KAZN: variants seen among roughly 807,000 people sequenced by gnomAD.
The protein encoded by KAZN is kazrin, periplakin interacting protein, also known as kazrin.
KAZN carries 40 observed loss-of-function variants against 87.4 expected under a neutral mutation model. The observed-to-expected ratio is 0.46, with a 90% CI of 0.36 to 0.60. KAZN has a LOEUF of 0.60. Ranked by LOEUF, KAZN falls within the 20% of genes least tolerant of loss-of-function variation. The pLI is 0.00. For synonymous variants in KAZN, 466 were observed against 458.3 expected, an observed-to-expected ratio of 1.02 and a Z score of -0.22; for missense variants, 898 against 1,073.9, an observed-to-expected ratio of 0.84 and a Z score of 2.29.
exon 2 of KAZN, chr1:14,180,574 C>T (rs974607026): frequency 3.1e-5 from 48 of 1,549,478 alleles, no homozygotes; most frequent in Non-Finnish European, 3.8e-5. Flanking sequence ...TGATGAGGCA[C>T]CTCTTAATGG....
At chr1:14,078,664 C>A (rs1643554527) in intron 1 of KAZN, among the ~76,000 whole-genome samples, 1 of 151,786 alleles carries the variant, frequency 6.6e-6, no homozygotes, top group Non-Finnish European at 1.5e-5. Context: ...ATGGAAGGGG[C>A]AAGGCAGCTC....
chr1:14,598,890 G>T lies in KAZN; in HGVS notation c.-108G>T, dbSNP rs1225312043. 1 of 1,486,610 alleles carries T rather than the reference G, an allele frequency of 6.7e-7. No homozygotes were observed. Among genetic ancestry groups the T allele is most frequent in the African/African-American group, 1.5e-5 (1 of 67,798 alleles). 92.1% of individuals were successfully genotyped at this position (1,486,610 alleles called of 1,614,324 possible). A position where few individuals can be genotyped will look rare whatever the true frequency, so the allele number is the denominator to read the frequency against. On this transcript the variant is annotated 5_prime_UTR_variant, in exon 1 of 15. Coordinates refer to ENST00000376030, the MANE Select transcript of KAZN (RefSeq NM_201628.3). The surrounding 1 kb of genome is among the most constrained non-coding windows in gnomAD (Gnocchi z 4.2). ...TGGGGGTCGGGGCGCGGGCGAAGCCGGGCCGCGGAGGACACAACAGGTAGA... is the reference window on the plus strand; with the variant it reads ...TGGGGGTCGGGGCGCGGGCGAAGCCTGGCCGCGGAGGACACAACAGGTAGA...
chr1:14,976,925 G>A (rs1223974821), intron 2 of KAZN, among the ~76,000 whole-genome samples: 2 of 152,116 alleles, frequency 1.3e-5, no homozygotes, highest in South Asian at 2.1e-4. Context: ...TGTGGTGGTG[G>A]GCGCCTGTAA....
chr1:14,022,984 A>G (rs958583721), intron 1 of KAZN, among the ~76,000 whole-genome samples: 2 of 152,156 alleles, frequency 1.3e-5, no homozygotes, highest in Admixed American at 6.5e-5. Flanking sequence ...CCCACCTGGT[A>G]TGATTCTTAA....
intron 1 of KAZN, among the ~76,000 whole-genome samples, chr1:14,684,172 T>C (rs373995472): frequency 2.8e-4 from 42 of 152,292 alleles, no homozygotes; most frequent in African/African-American, 1.0e-3. Flanking sequence ...CTTGCTTTTT[T>C]GTTGAGCCTT....
At chr1:14,571,004 G>T (rs996237486) in intron 2 of KAZN, among the ~76,000 whole-genome samples, 14 of 151,962 alleles carry the variant, frequency 9.2e-5, no homozygotes, top group African/African-American at 2.9e-4. Context: ...TTAAATTTTT[G>T]ACTTCTTGAC....
At chr1:15,044,260 G>T in intron 4 of KAZN, 101 bp downstream of exon 4, 2 of 1,070,146 alleles carry the variant, frequency 1.9e-6, no homozygotes, top group South Asian at 1.9e-5. Context: ...CCTAGGGTGG[G>T]GTGGGTGGGG....
At chr1:15,042,098 C>A (rs556693561) in intron 3 of KAZN, among the ~76,000 whole-genome samples, 9 of 152,326 alleles carry the variant, frequency 5.9e-5, no homozygotes, top group African/African-American at 2.2e-4. Flanking sequence ...CAGGCCTTCC[C>A]ACCCGGCCTA....
intron 2 of KAZN, among the ~76,000 whole-genome samples, chr1:14,263,904 G>A (rs971453321): frequency 7.2e-5 from 11 of 152,238 alleles, no homozygotes; most frequent in Non-Finnish European, 7.3e-5. Flanking sequence ...AGTCAGCCAG[G>A]ATGCCCTGCC....
chr1:14,359,257 T>C (rs941015412), intron 2 of KAZN, among the ~76,000 whole-genome samples: 7 of 150,856 alleles, frequency 4.6e-5, no homozygotes, highest in Non-Finnish European at 1.0e-4. Context: ...TTTTTTTTTC[T>C]TTTTTTTTCC....
intron 1 of KAZN, among the ~76,000 whole-genome samples, chr1:14,841,190 G>C (rs1647934983): frequency 6.6e-6 from 1 of 151,984 alleles, no homozygotes; most frequent in Admixed American, 6.5e-5. Flanking sequence ...GGCCAAGGCG[G>C]GTGGATCATG....
intron 2 of KAZN, among the ~76,000 whole-genome samples, chr1:14,329,003 C>T (rs1009218023): frequency 2.0e-5 from 3 of 152,132 alleles, no homozygotes; most frequent in Non-Finnish European, 4.4e-5. Flanking sequence ...AAAGACACAA[C>T]TCAAACTACC....
At chr1:14,050,146 G>C (rs1157206492) in intron 1 of KAZN, among the ~76,000 whole-genome samples, 1 of 151,756 alleles carries the variant, frequency 6.6e-6, no homozygotes, top group Non-Finnish European at 1.5e-5. Context: ...GTGTGGATTT[G>C]GGTATGCTTG....
intron 2 of KAZN, among the ~76,000 whole-genome samples, chr1:14,419,348 A>G (rs561158779): frequency 4.7e-4 from 72 of 152,108 alleles, no homozygotes; most frequent in Non-Finnish European, 8.5e-4. Flanking sequence ...TGATCTTTCC[A>G]CCCTGCCCGG....
chr1:14,565,644 C>A (rs1674509100), intron 2 of KAZN, among the ~76,000 whole-genome samples: 1 of 152,208 alleles, frequency 6.6e-6, no homozygotes, highest in Admixed American at 6.5e-5. Flanking sequence ...TGGAGTCAAT[C>A]CCTTCAAACC....
At chr1:15,058,305 C>G (rs552939871) in intron 5 of KAZN, among the ~76,000 whole-genome samples, 6 of 152,330 alleles carry the variant, frequency 3.9e-5, no homozygotes, top group Admixed American at 2.6e-4. Context: ...GGTCACACAG[C>G]CTGTAGGGTA....
intron 1 of KAZN, among the ~76,000 whole-genome samples, chr1:14,622,496 C>T (rs1449763642): frequency 1.3e-5 from 2 of 151,980 alleles, no homozygotes; most frequent in Non-Finnish European, 2.9e-5. Flanking sequence ...CGACACCATC[C>T]TGGCGAACAC....
chr1:14,197,118 A>AG (rs950294881), intron 2 of KAZN, among the ~76,000 whole-genome samples: 4 of 151,870 alleles, frequency 2.6e-5, no homozygotes, highest in Non-Finnish European at 4.4e-5. Context: ...AAGAATGGGG[A>AG]GGGGGGTAGA....
Position 14,996,845 on chromosome 1 carries a change from G to A in KAZN, c.418+35970G>A, listed in dbSNP as rs973160296. 5.3e-5 allele frequency among the ~76,000 whole-genome samples: 8 copies of A among 152,204 alleles called. No individual in the cohort carries two copies. Among genetic ancestry groups the A allele is most frequent in the African/African-American group, 1.7e-4 (7 of 41,450 alleles). On this transcript the variant is annotated intron_variant, in intron 2 of 14. Coordinates refer to ENST00000376030, the MANE Select transcript of KAZN (RefSeq NM_201628.3). This position sits in a 1 kb window ranked among gnomAD's most constrained non-coding sequence, Gnocchi z 5.9. Reference sequence around the variant, plus strand: ...CTGCATGTGGGGCACTGGGAGGGAGGGCCGTTTGCCTGCGGCCCCATGACC... The same window carrying A: ...CTGCATGTGGGGCACTGGGAGGGAGAGCCGTTTGCCTGCGGCCCCATGACC...
Sources: allele counts gnomAD v4.1 joint callset (sites outside exome capture counted in the v4.1 genomes callset), GRCh38; gene constraint gnomAD v4.1.1; non-coding constraint Gnocchi (gnomAD v3.1); transcripts MANE v1.5; gene names NCBI Gene and HGNC (gene_info 2026-07-23, HGNC 2026-07-21).